The following SLC35F1 variants were observed in gnomAD, a reference collection of about 807,000 sequenced individuals.
The protein encoded by SLC35F1 is chromosome 6 open reading frame 169.
In SLC35F1, 14 loss-of-function variants were observed where a neutral mutation model predicts 48.7. The ratio of observed to expected loss-of-function variants is 0.29; its 90% CI spans 0.19 to 0.45. The LOEUF (loss-of-function observed/expected upper bound fraction) is 0.45. SLC35F1 is among the 20% of genes least tolerant of loss of function. The pLI is 1.00. For synonymous variants in SLC35F1, 190 were observed against 202.2 expected (o/e 0.94, Z 0.51); for missense variants, 404 against 500.0 (o/e 0.81, Z 1.83).
chr6:118,296,556 A>G (rs1776186881), intron 7 of SLC35F1, among the ~76,000 whole-genome samples: 1 of 152,256 alleles, frequency 6.6e-6, no homozygotes, highest in Non-Finnish European at 1.5e-5. Context: ...GAGAAGGATT[A>G]GAGAAGTTGG....
intron 1 of SLC35F1, among the ~76,000 whole-genome samples, chr6:118,048,744 C>G (rs1258518347): frequency 6.6e-6 from 1 of 152,190 alleles, no homozygotes; most frequent in Non-Finnish European, 1.5e-5. Context: ...ACATTCCATG[C>G]TCATGAGTAG....
chr6:117,936,081 A>G (rs1776159003), intron 1 of SLC35F1, among the ~76,000 whole-genome samples: 1 of 152,112 alleles, frequency 6.6e-6, no homozygotes, highest in African/African-American at 2.4e-5. Context: ...TGATTCCTGT[A>G]TGTGCTCATT....
chr6:118,150,208 T>A (rs566981079), intron 1 of SLC35F1, among the ~76,000 whole-genome samples: 1 of 152,184 alleles, frequency 6.6e-6, no homozygotes, highest in African/African-American at 2.4e-5. Context: ...AAGTCTAAGC[T>A]CATGGCTTGG....
At chr6:118,156,185 T>C (rs1774137539) in intron 2 of SLC35F1, among the ~76,000 whole-genome samples, 1 of 152,026 alleles carries the variant, frequency 6.6e-6, no homozygotes, top group Non-Finnish European at 1.5e-5. Flanking sequence ...CTGAGTGCGA[T>C]TTGGAAGCTA....
chr6:118,152,256 G>T (rs761516868), intron 1 of SLC35F1, among the ~76,000 whole-genome samples: 21 of 152,190 alleles, frequency 1.4e-4, no homozygotes, highest in Non-Finnish European at 2.6e-4. Context: ...TCTCACTGCT[G>T]AAGTGCAAGT....
At chr6:117,977,265 C>T (rs546974724) in intron 1 of SLC35F1, among the ~76,000 whole-genome samples, 1 of 150,438 alleles carries the variant, frequency 6.6e-6, no homozygotes, top group East Asian at 1.9e-4. Flanking sequence ...GGTGCGATCT[C>T]GGCCCACTGC....
At chr6:118,286,077 G>A (rs1776045510) in intron 7 of SLC35F1, among the ~76,000 whole-genome samples, 1 of 152,180 alleles carries the variant, frequency 6.6e-6, no homozygotes, top group Non-Finnish European at 1.5e-5. Context: ...TGACATATGA[G>A]AAGATACCAC....
intron 1 of SLC35F1, among the ~76,000 whole-genome samples, chr6:118,049,595 C>T (rs548257370): frequency 2.7e-5 from 4 of 150,794 alleles, no homozygotes; most frequent in African/African-American, 9.8e-5. Context: ...ATTTATGCAG[C>T]CAAAAAACAC....
In SLC35F1 at chr6:117,907,634, C is replaced by A; in HGVS notation, c.-93C>A. ...CACCGCCTCCCGGGCCGCGGCCGCC[C>A]GGCCGGGTCCTCTGCGCGTTCCCGG... is the stretch of plus-strand genomic sequence containing the variant. On this transcript the variant is annotated 5_prime_UTR_variant, in exon 1 of 8. Coordinates refer to ENST00000360388, the MANE Select transcript of SLC35F1 (RefSeq NM_001029858.4). 1.4e-6 allele frequency: 1 copy of A among 704,974 alleles called. No homozygotes were observed. The highest frequency in any genetic ancestry group is 2.1e-6 in the Non-Finnish European group (1 of 486,592). 43.7% of individuals were successfully genotyped at this position (704,974 alleles called of 1,614,324 possible). A position where few individuals can be genotyped will look rare whatever the true frequency, so the allele number is the denominator to read the frequency against.
chr6:118,039,796 A>ATTTTTTTTTTTTTTTTTTTTTTTTTTT (rs1312799873), intron 1 of SLC35F1, among the ~76,000 whole-genome samples: 1 of 55,916 alleles, frequency 1.8e-5, no homozygotes, highest in African/African-American at 4.6e-5. Flanking sequence ...GCATCTCAGG[A>ATTTTTTTTTTTTTTTTTTTTTTTTTTT]TTGTTTTTTT....
At chr6:118,230,298 C>T (rs568289664) in intron 2 of SLC35F1, among the ~76,000 whole-genome samples, 2 of 151,706 alleles carry the variant, frequency 1.3e-5, no homozygotes, top group South Asian at 2.1e-4. Flanking sequence ...CGAGATTACA[C>T]CACTGCACTC....
intron 1 of SLC35F1, among the ~76,000 whole-genome samples, 181 bp downstream of exon 1, chr6:117,908,080 C>T (rs1775716683): frequency 1.3e-5 from 2 of 152,202 alleles, no homozygotes; most frequent in Admixed American, 1.3e-4. Context: ...AGCTTTGTCC[C>T]GGCGCAGGGA....
intron 1 of SLC35F1, among the ~76,000 whole-genome samples, chr6:117,975,682 G>A (rs898617893): frequency 5.9e-5 from 9 of 152,042 alleles, no homozygotes; most frequent in Non-Finnish European, 1.3e-4. Flanking sequence ...ATGTAAAAGG[G>A]AACTTATTCT....
At chr6:118,045,444 A>G (rs1158344691) in intron 1 of SLC35F1, among the ~76,000 whole-genome samples, 2 of 152,180 alleles carry the variant, frequency 1.3e-5, no homozygotes, top group African/African-American at 4.8e-5. Flanking sequence ...CTCTTGATAG[A>G]TGATCTCTGA....
chr6:118,120,422 A>G (rs1199170718), intron 1 of SLC35F1, among the ~76,000 whole-genome samples: 1 of 152,228 alleles, frequency 6.6e-6, no homozygotes, highest in East Asian at 1.9e-4. Context: ...ATGCATGCAT[A>G]CAGATGCAGG....
chr6:118,088,856 A>G (rs1216557866), intron 1 of SLC35F1, among the ~76,000 whole-genome samples: 1 of 152,186 alleles, frequency 6.6e-6, no homozygotes, highest in Non-Finnish European at 1.5e-5. Flanking sequence ...AGACACTTCT[A>G]CATTCATCAA....
At chr6:118,079,651 A>T (rs1345117068) in intron 1 of SLC35F1, among the ~76,000 whole-genome samples, 2 of 152,180 alleles carry the variant, frequency 1.3e-5, no homozygotes, top group African/African-American at 4.8e-5. Context: ...GGCTGCCCTC[A>T]AATATGCTGG....
At chr6:117,933,381 G>C (rs748343927) in intron 1 of SLC35F1, among the ~76,000 whole-genome samples, 9 of 152,098 alleles carry the variant, frequency 5.9e-5, no homozygotes, top group African/African-American at 9.7e-5. Context: ...ACACTTAAGG[G>C]ACTCCCATTT....
At chr6:118,070,142 CAAAAAA>C (rs61496169) in intron 1 of SLC35F1, among the ~76,000 whole-genome samples, 4 of 78,724 alleles carry the variant, frequency 5.1e-5, no homozygotes, top group African/African-American at 1.1e-4. Context: ...GACTCCGTCT[CAAAAAA>C]AAAAAAAAAA....
Sources: allele counts gnomAD v4.1 joint callset (sites outside exome capture counted in the v4.1 genomes callset), GRCh38; gene constraint gnomAD v4.1.1; transcripts MANE v1.5; gene names NCBI Gene and HGNC (gene_info 2026-07-23, HGNC 2026-07-21).